Variants in LMBR1 observed in about 807,000 individuals in gnomAD.
LMBR1 encodes limb development membrane protein 1, also known as limb region 1 protein homolog.
In LMBR1, 52 loss-of-function variants were observed where a neutral mutation model predicts 73.9. That is an observed-to-expected ratio of 0.70 (90% CI 0.56 to 0.89). The LOEUF is 0.89. Among genes scored for constraint, LMBR1 ranks in the 40% least tolerant of loss-of-function variants. The pLI, the probability that LMBR1 is intolerant of heterozygous loss-of-function variation, is 0.00. For synonymous variants in LMBR1, 215 were observed against 209.4 expected, an observed-to-expected ratio of 1.03 and a Z score of -0.23; for missense variants, 539 against 579.8, an observed-to-expected ratio of 0.93 and a Z score of 0.72.
At chr7:156,840,857 C>CG (rs1586161025) in intron 1 of LMBR1, among the ~76,000 whole-genome samples, 1 of 143,080 alleles carries the variant, frequency 7.0e-6, no homozygotes, top group Admixed American at 7.2e-5. Context: ...CCTAGCTACT[C>CG]GGGGGGCTGA....
chr7:156,711,740 T>C (rs1184539278), intron 15 of LMBR1, among the ~76,000 whole-genome samples: 1 of 151,918 alleles, frequency 6.6e-6, no homozygotes, highest in Admixed American at 6.6e-5. Flanking sequence ...GACAAAAACA[T>C]ACAATGAAAA....
intron 1 of LMBR1, among the ~76,000 whole-genome samples, chr7:156,865,280 C>A (rs747530902): frequency 2.6e-5 from 4 of 151,880 alleles, no homozygotes; most frequent in Non-Finnish European, 4.4e-5. Flanking sequence ...GCACTCCAGG[C>A]ACAGTGACAA....
At chr7:156,809,511 A>C (rs1832722111) in intron 4 of LMBR1, among the ~76,000 whole-genome samples, 1 of 152,214 alleles carries the variant, frequency 6.6e-6, no homozygotes, top group Non-Finnish European at 1.5e-5. Context: ...GATTACTTAC[A>C]ATACCTAATA....
intron 15 of LMBR1, among the ~76,000 whole-genome samples, chr7:156,706,544 C>T (rs1331807661): frequency 6.6e-6 from 1 of 152,008 alleles, no homozygotes; most frequent in Non-Finnish European, 1.5e-5. Flanking sequence ...AATTTTCATG[C>T]ATCAATATCA....
chr7:156,704,168 G>A (rs12531276), intron 15 of LMBR1, among the ~76,000 whole-genome samples: 5,825 of 152,174 alleles, frequency 0.038, 150 homozygotes, highest in Non-Finnish European at 0.045. Context: ...CAACACAGGC[G>A]CCAGAATACA....
At chr7:156,736,214 C>T (rs1032707506) in intron 9 of LMBR1, among the ~76,000 whole-genome samples, 4 of 152,140 alleles carry the variant, frequency 2.6e-5, no homozygotes, top group Admixed American at 6.5e-5. Context: ...CCGGGGAAAT[C>T]CGCAAATCCA....
At chr7:156,888,645 C>T (rs893187132) in intron 1 of LMBR1, among the ~76,000 whole-genome samples, 3 of 151,160 alleles carry the variant, frequency 2.0e-5, no homozygotes, top group Non-Finnish European at 4.4e-5. Context: ...GGGCCAGGCA[C>T]GTTGGCTCCC....
intron 2 of LMBR1, among the ~76,000 whole-genome samples, chr7:156,835,734 G>A (rs903752028): frequency 1.3e-5 from 2 of 150,326 alleles, no homozygotes; most frequent in Non-Finnish European, 3.0e-5. Context: ...TAGAGAATGT[G>A]TTAATGTCTC....
rs35976164 is a variant in LMBR1 at position 156,762,846 on chromosome 7, A to AGTGTGTGTGT, written c.619+252_619+261dup. On this transcript the variant is annotated intron_variant, in intron 7 of 16. Coordinates refer to ENST00000353442, the MANE Select transcript of LMBR1 (RefSeq NM_022458.4). ...GAGTGTGTGAAAGTGTGTGAGTGTGAGTGTGTGTGTGTGTGTGTGTGTGTG... is the reference window on the plus strand; with the variant it reads ...GAGTGTGTGAAAGTGTGTGAGTGTGAGTGTGTGTGTGTGTGTGTGTGTGTGTGTGTGTGTG... Among the ~76,000 whole-genome samples, 1,402 of 148,610 alleles carry AGTGTGTGTGT rather than the reference A, an allele frequency of 9.4e-3. 10 individuals carry two copies. The highest frequency in any genetic ancestry group is 0.018 in the African/African-American group (717 of 40,456).
chr7:156,874,893 A>T (rs1799930822), intron 1 of LMBR1, among the ~76,000 whole-genome samples: 1 of 152,224 alleles, frequency 6.6e-6, no homozygotes, highest in Non-Finnish European at 1.5e-5. Context: ...AAAGTTTTTT[A>T]ACACCTCCAA....
intron 4 of LMBR1, among the ~76,000 whole-genome samples, chr7:156,809,201 T>C (rs982001179): frequency 6.6e-6 from 1 of 152,224 alleles, no homozygotes; most frequent in African/African-American, 2.4e-5. Flanking sequence ...TCCTACCACA[T>C]GAAGGACAAC....
chr7:156,890,545 A>T (rs527545248), intron 1 of LMBR1, among the ~76,000 whole-genome samples: 2 of 152,332 alleles, frequency 1.3e-5, no homozygotes, highest in South Asian at 4.1e-4. Context: ...AAAAAATTTG[A>T]CCCTTCACAA....
At chr7:156,714,301 T>C (rs1461385778) in intron 15 of LMBR1, among the ~76,000 whole-genome samples, 3 of 152,232 alleles carry the variant, frequency 2.0e-5, no homozygotes, top group Admixed American at 1.3e-4. Context: ...GCACGGGAGA[T>C]ACCTCATGGC....
At chr7:156,854,007 C>A (rs1246423472) in intron 1 of LMBR1, among the ~76,000 whole-genome samples, 1 of 150,302 alleles carries the variant, frequency 6.7e-6, no homozygotes, top group Non-Finnish European at 1.5e-5. Flanking sequence ...ACATCATATG[C>A]CATACACTAA....
At chr7:156,736,729 T>C in intron 9 of LMBR1, 1 of 359,808 alleles carries the variant, frequency 2.8e-6, no homozygotes, top group East Asian at 7.8e-5. Flanking sequence ...GTCTACATTA[T>C]TATAACAACC....
intron 4 of LMBR1, among the ~76,000 whole-genome samples, chr7:156,805,524 C>T (rs1831877980): frequency 6.6e-6 from 1 of 152,164 alleles, no homozygotes; most frequent in Non-Finnish European, 1.5e-5. Flanking sequence ...CCACACCACA[C>T]AGTCTTGATT....
intron 3 of LMBR1, among the ~76,000 whole-genome samples, chr7:156,831,861 C>A (rs1350511502): frequency 1.3e-5 from 2 of 152,228 alleles, no homozygotes; most frequent in Non-Finnish European, 2.9e-5. Flanking sequence ...AGGTGGCACA[C>A]AGACTGAATG....
rs1805479010 is a variant in LMBR1, at chr7:156,683,978, AG to A, written c.*99del. 2.1e-6 allele frequency: 2 copies of A among 933,780 alleles called. No homozygotes were observed. Among genetic ancestry groups the A allele is most frequent in the Middle Eastern group, 2.6e-4 (1 of 3,890 alleles). 57.8% of individuals were successfully genotyped at this position (933,780 alleles called of 1,614,324 possible). ...GCACTGATAGGTCTAGGTTCTGAAG[AG>A]GGGCCACGGTTGAATGGAAATGCTT... On this transcript the variant is annotated 3_prime_UTR_variant, in exon 17 of 17. Coordinates refer to ENST00000353442, the MANE Select transcript of LMBR1 (RefSeq NM_022458.4).
chr7:156,687,037 G>A (rs1806148198), intron 16 of LMBR1, among the ~76,000 whole-genome samples: 1 of 152,116 alleles, frequency 6.6e-6, no homozygotes, highest in Non-Finnish European at 1.5e-5. Flanking sequence ...AATACATATG[G>A]ACAGCTCATC....
Sources: gnomAD v4.1 joint callset for allele counts (sites outside exome capture counted in the v4.1 genomes callset) on GRCh38, gnomAD v4.1.1 for gene constraint, MANE v1.5 for transcripts, NCBI Gene and HGNC (gene_info 2026-07-23, HGNC 2026-07-21) for gene names.